KIAA0753: variants seen among roughly 807,000 people sequenced by gnomAD.
KIAA0753 encodes the protein KIAA0753.
A neutral mutation model predicts 116.9 loss-of-function variants in KIAA0753; 114 were observed. The ratio of observed to expected loss-of-function variants is 0.98; its 90% CI spans 0.84 to 1.14. The LOEUF (loss-of-function observed/expected upper bound fraction) is 1.14. KIAA0753 is among the 50% of genes most tolerant of loss of function. KIAA0753 has a pLI of 0.00. For missense variants in KIAA0753, 1,156 were observed against 1,172.4 expected (o/e 0.99, Z 0.20); for synonymous variants, 405 against 413.1 (o/e 0.98, Z 0.24).
At chr17:6,633,894 A>T (rs1381306350) in intron 2 of KIAA0753, among the ~76,000 whole-genome samples, 1 of 152,086 alleles carries the variant, frequency 6.6e-6, no homozygotes, top group East Asian at 1.9e-4. Context: ...AGTGGGGGTT[A>T]TCTAGCAAGG....
intron 17 of KIAA0753, 132 bp from the exon 18 acceptor site, chr17:6,590,135 C>A: frequency 1.4e-6 from 1 of 731,538 alleles, no homozygotes; most frequent in Non-Finnish European, 2.2e-6. Context: ...CAAAACTGAA[C>A]AACCTAACAC....
Position 6,615,915 on chromosome 17 carries a change from A to T in KIAA0753, c.1316-3767T>A, listed in dbSNP as rs550672351. Reference sequence around the variant, plus strand: ...ATGTAAATCACAAGACAGCTGATCAAATCAGGCTCAGGAGTATATTCCAAA... The same window carrying T: ...ATGTAAATCACAAGACAGCTGATCATATCAGGCTCAGGAGTATATTCCAAA... On this transcript the variant is annotated intron_variant, in intron 7 of 18. Coordinates refer to ENST00000361413, the MANE Select transcript of KIAA0753 (RefSeq NM_014804.3). 2.6e-5 allele frequency among the ~76,000 whole-genome samples: 4 copies of T among 152,308 alleles called. No individual in the cohort carries two copies. In the East Asian group the frequency reaches 7.7e-4, roughly 29 times the overall value.
At chr17:6,628,067 A>G in intron 3 of KIAA0753, 50 bp downstream of exon 3, 1 of 1,536,782 alleles carries the variant, frequency 6.5e-7, no homozygotes, top group Non-Finnish European at 8.8e-7. Context: ...CATTTAAACT[A>G]CCCCATAATC....
intron 1 of KIAA0753, chr17:6,636,070 G>A (rs2150930099): frequency 1.3e-5 from 2 of 152,172 alleles, no homozygotes; most frequent in South Asian, 4.2e-4. Flanking sequence ...AATCTCTGGG[G>A]AATTTGTTCT....
intron 2 of KIAA0753, among the ~76,000 whole-genome samples, chr17:6,632,143 C>T (rs945223470): frequency 6.6e-6 from 1 of 152,078 alleles, no homozygotes; most frequent in African/African-American, 2.4e-5. Context: ...CTCAAGTGAT[C>T]CTCCTGCCTT....
At chr17:6,633,331 G>T (rs1972116725) in intron 2 of KIAA0753, among the ~76,000 whole-genome samples, 1 of 152,062 alleles carries the variant, frequency 6.6e-6, no homozygotes, top group Non-Finnish European at 1.5e-5. Context: ...AAATTTCTTT[G>T]TACACCACGA....
intron 3 of KIAA0753, among the ~76,000 whole-genome samples, chr17:6,625,353 T>C (rs1337933761): frequency 6.6e-6 from 1 of 152,180 alleles, no homozygotes. Context: ...TAATAGAGAA[T>C]AATCAAATGT....
intron 3 of KIAA0753, among the ~76,000 whole-genome samples, chr17:6,625,076 A>T (rs951107506): frequency 6.6e-6 from 1 of 152,194 alleles, no homozygotes; most frequent in Non-Finnish European, 1.5e-5. Context: ...AAGGGACATA[A>T]AGACATTTAC....
chr17:6,589,121 C>T (rs1293487448), intron 18 of KIAA0753, among the ~76,000 whole-genome samples: 1 of 152,182 alleles, frequency 6.6e-6, no homozygotes, highest in African/African-American at 2.4e-5. Flanking sequence ...GTGTTTCCCC[C>T]ATATTCGTAT....
intron 12 of KIAA0753, among the ~76,000 whole-genome samples, chr17:6,605,094 A>C (rs1970111887): frequency 6.6e-6 from 1 of 151,666 alleles, no homozygotes; most frequent in East Asian, 1.9e-4. Context: ...ACTTGAAAAA[A>C]AAAAAAAAAA....
chr17:6,607,464 T>C (rs2150819432), intron 10 of KIAA0753, among the ~76,000 whole-genome samples, 194 bp from the exon 11 acceptor site: 1 of 152,274 alleles, frequency 6.6e-6, no homozygotes, highest in Non-Finnish European at 1.5e-5. Flanking sequence ...CAAAAAACAT[T>C]AATGCACAAC....
Position 6,579,726 on chromosome 17 carries a change from T to TCGCCTCAGAGAGCCTTTATGTAGC in KIAA0753, c.*20_*21insGCTACATAAAGGCTCTCTGAGGCG, listed in dbSNP as rs773844298. ...CATCCCTTCTCCAGTGTGACACAAA[T>TCGCCTCAGAGAGCCTTTATGTAGC]GGCCTCGCCTCAGAGAGCCTTTATG... On this transcript the variant is annotated 3_prime_UTR_variant, in exon 19 of 19. Transcript: ENST00000361413. 6.5e-7 allele frequency: 1 copy of TCGCCTCAGAGAGCCTTTATGTAGC among 1,534,618 alleles called. No homozygotes were observed. Among genetic ancestry groups the TCGCCTCAGAGAGCCTTTATGTAGC allele is most frequent in the African/African-American group, 1.4e-5 (1 of 73,514 alleles).
At chr17:6,590,973 CGAAGAAGAAGAAGAAGAAA>C (rs1567540031) in intron 16 of KIAA0753, among the ~76,000 whole-genome samples, 2 of 127,648 alleles carry the variant, frequency 1.6e-5, no homozygotes. Context: ...CCTTTAAATG[CGAAGAAGAAGAAGAAGAAA>C]GAAGAAGGAA....
intron 14 of KIAA0753, 146 bp from the exon 15 acceptor site, chr17:6,596,489 T>C (rs1428097211): frequency 1.6e-6 from 1 of 622,206 alleles, no homozygotes; most frequent in Non-Finnish European, 2.8e-6. Flanking sequence ...GTTTCTATGG[T>C]AAAACAAGAT....
rs114637220 is a variant in KIAA0753 at position 6,614,205 on chromosome 17, T to A, written c.1316-2057A>T. 7.7e-3 allele frequency among the ~76,000 whole-genome samples: 1,174 copies of A among 152,346 alleles called. 16 individuals carry two copies. Among genetic ancestry groups the A allele is most frequent in the African/African-American group, 0.027 (1,114 of 41,572 alleles). On this transcript the variant is annotated intron_variant, in intron 7 of 18. Coordinates refer to ENST00000361413, the MANE Select transcript of KIAA0753 (RefSeq NM_014804.3). ...TCTCACAGACTATTAGCAACTTGAT[T>A]GTTCTGGTAAAGTTTAAGATTCATA...
rs778021836 is a variant in KIAA0753 at position 6,624,409 on chromosome 17, A to T, written c.825+346T>A. ...GGGTTCAGGGTAACTGATCCACCTG[A>T]CTTCCCATGCAAAAATATGTGCTAT... On this transcript the variant is annotated intron_variant, in intron 4 of 18. Transcript: ENST00000361413. Among the ~76,000 whole-genome samples the T allele has an allele frequency of 3.9e-4, 60 of 152,106 alleles. 1 individual carries two copies. Among genetic ancestry groups the T allele is most frequent in the Non-Finnish European group, 6.6e-4 (45 of 68,020 alleles).
At chr17:6,623,956 G>C (rs1292042247) in intron 4 of KIAA0753, 1 of 160,668 alleles carries the variant, frequency 6.2e-6, no homozygotes, top group African/African-American at 2.4e-5. Flanking sequence ...GTCTGACATG[G>C]TAAGATTCAT....
At chr17:6,628,784 C>T in intron 2 of KIAA0753, 43 bp from the exon 3 acceptor site, 3 of 1,532,484 alleles carry the variant, frequency 2.0e-6, no homozygotes, top group Non-Finnish European at 2.6e-6. Flanking sequence ...AGAAAAATTT[C>T]ATATTGCACA....
rs575364841 is a variant in KIAA0753 at position 6,591,761 on chromosome 17, G to A, written c.2441-1131C>T. ...CCAGTGGCCAAACCATCAGGGAAAC[G>A]AATTGCCCTCCAACGTTTACCTCTC... On this transcript the variant is annotated intron_variant, in intron 16 of 18. Transcript: ENST00000361413. Among the ~76,000 whole-genome samples, 28 of 152,326 alleles carry A rather than the reference G, an allele frequency of 1.8e-4. No individual in the cohort carries two copies. In the South Asian group the frequency reaches 2.5e-3, roughly 14 times the overall value.
Sources: allele counts gnomAD v4.1 joint callset (sites outside exome capture counted in the v4.1 genomes callset), GRCh38; gene constraint gnomAD v4.1.1; transcripts MANE v1.5; gene names NCBI Gene and HGNC (gene_info 2026-07-23, HGNC 2026-07-21).